ZC3H12B: variants seen among roughly 807,000 people sequenced by gnomAD.
The protein encoded by ZC3H12B is probable ribonuclease ZC3H12B.
In ZC3H12B, 7 loss-of-function variants were observed where a neutral mutation model predicts 43.9. The ratio of observed to expected loss-of-function variants is 0.16; its 90% CI spans 0.09 to 0.30. The LOEUF is 0.30. Among genes scored for constraint, ZC3H12B ranks in the 10% least tolerant of loss-of-function variants. The pLI, the probability that ZC3H12B is intolerant of heterozygous loss-of-function variation, is 1.00. For missense variants in ZC3H12B, 475 were observed against 670.2 expected (o/e 0.71, Z 3.22); for synonymous variants, 222 against 241.7 (o/e 0.92, Z 0.76).
At chrX:65,356,474 A>G in the ZC3H12B span, among the ~76,000 whole-genome samples, 1 of 112,021 alleles carries the variant, frequency 8.9e-6, no homozygotes, top group East Asian at 2.8e-4. Context: ...TGCTTTCTTC[A>G]CTGAATACAA....
At chrX:65,081,864 A>G in the ZC3H12B span, among the ~76,000 whole-genome samples, 1 of 112,079 alleles carries the variant, frequency 8.9e-6, no homozygotes, top group Non-Finnish European at 1.9e-5. Flanking sequence ...ATTCTCAAGG[A>G]TAGACCATAA....
At chrX:65,366,578 C>G (rs1292214144), upstream of ZC3H12B, 1 of 111,853 alleles carries the variant, frequency 8.9e-6, no homozygotes, top group East Asian at 2.8e-4. Flanking sequence ...AAAGATTTAA[C>G]TCCGAGGGGT....
the ZC3H12B span, among the ~76,000 whole-genome samples, chrX:65,238,703 G>A: frequency 4.4e-3 from 488 of 111,507 alleles, 3 homozygotes; most frequent in African/African-American, 0.015. Flanking sequence ...AGATTCTATA[G>A]CTTTGTAATG....
At chrX:65,152,126 T>C in the ZC3H12B span, among the ~76,000 whole-genome samples, 1 of 111,554 alleles carries the variant, frequency 9.0e-6, no homozygotes, top group Admixed American at 9.6e-5. Context: ...GCCAATATCA[T>C]ACTGAATGGG....
At chrX:65,451,542 A>G (rs1484809689) in intron 3 of ZC3H12B, among the ~76,000 whole-genome samples, 2 of 110,619 alleles carry the variant, frequency 1.8e-5, no homozygotes, top group African/African-American at 6.6e-5. Context: ...AGGTATCACT[A>G]TGTTGCTCAG....
At chrX:65,235,161 G>A in the ZC3H12B span, among the ~76,000 whole-genome samples, 2 of 111,738 alleles carry the variant, frequency 1.8e-5, no homozygotes, top group African/African-American at 3.3e-5. Flanking sequence ...ACATATGCAT[G>A]CATGTATCTT....
intron 3 of ZC3H12B, among the ~76,000 whole-genome samples, chrX:65,429,778 T>A (rs192261404): frequency 1.8e-5 from 2 of 112,178 alleles, no homozygotes; most frequent in African/African-American, 6.5e-5. Context: ...GAGGAATGGA[T>A]CAGGTCCTGC....
At chrX:65,237,934 G>A in the ZC3H12B span, among the ~76,000 whole-genome samples, 1 of 111,829 alleles carries the variant, frequency 8.9e-6, no homozygotes, top group East Asian at 2.8e-4. Context: ...TGGAGGATAA[G>A]CATTTTGATG....
chrX:65,048,001 A>G, the ZC3H12B span, among the ~76,000 whole-genome samples: 1 of 111,334 alleles, frequency 9.0e-6, no homozygotes, highest in East Asian at 2.8e-4. Context: ...TTATATGCAC[A>G]TTAATGTCCA....
the ZC3H12B span, among the ~76,000 whole-genome samples, chrX:65,076,750 T>C: frequency 9.0e-6 from 1 of 111,309 alleles, no homozygotes; most frequent in Non-Finnish European, 1.9e-5. Flanking sequence ...TACATTTGGT[T>C]CTTTTTTAAA....
the ZC3H12B span, among the ~76,000 whole-genome samples, chrX:65,045,235 G>T: frequency 9.0e-6 from 1 of 111,290 alleles, no homozygotes. Flanking sequence ...AAAAAAGGAA[G>T]TTTGTTGCAT....
At chrX:65,149,764 AAATAATAATAATAATAATAATAATAAT>A in the ZC3H12B span, among the ~76,000 whole-genome samples, 5 of 85,299 alleles carry the variant, frequency 5.9e-5, no homozygotes, top group African/African-American at 2.1e-4. Context: ...ACTTAATCTC[AAATAATAATAATAATAATAATAATAAT>A]AATAATAATA....
At chrX:65,168,137 GT>G in the ZC3H12B span, among the ~76,000 whole-genome samples, 2 of 111,651 alleles carry the variant, frequency 1.8e-5, no homozygotes, top group Non-Finnish European at 3.8e-5. Context: ...AATGCTTCCA[GT>G]TTTTGCCCAT....
the ZC3H12B span, among the ~76,000 whole-genome samples, chrX:65,207,440 G>T: frequency 1.5e-4 from 17 of 110,796 alleles, no homozygotes; most frequent in Non-Finnish European, 1.9e-4. Flanking sequence ...CTATGAGGAT[G>T]CAAAAGCATA....
At chrX:65,047,832 G>A in the ZC3H12B span, among the ~76,000 whole-genome samples, 1 of 109,953 alleles carries the variant, frequency 9.1e-6, no homozygotes, top group African/African-American at 3.3e-5. Flanking sequence ...AAACTACTCT[G>A]CCAGTCTCTA....
the ZC3H12B span, among the ~76,000 whole-genome samples, chrX:65,228,719 A>G: frequency 1.8e-5 from 2 of 112,207 alleles, no homozygotes; most frequent in African/African-American, 3.2e-5. Flanking sequence ...AAAAATCACA[A>G]GCATTCTTAT....
At chrX:65,162,884 C>G in the ZC3H12B span, among the ~76,000 whole-genome samples, 1 of 111,812 alleles carries the variant, frequency 8.9e-6, no homozygotes, top group Non-Finnish European at 1.9e-5. Flanking sequence ...TGTTTTTTCC[C>G]CATCTGTGTG....
chrX:65,276,880 C>T, the ZC3H12B span, among the ~76,000 whole-genome samples: 2 of 111,745 alleles, frequency 1.8e-5, no homozygotes, highest in Non-Finnish European at 3.8e-5. Context: ...AAGTCCTCAT[C>T]TATCAATAAT....
the ZC3H12B span, among the ~76,000 whole-genome samples, chrX:65,057,898 A>G: frequency 9.0e-6 from 1 of 111,323 alleles, no homozygotes; most frequent in African/African-American, 3.3e-5. Context: ...TTGTGTGTTC[A>G]TTTCCTAGCT....
Sources: allele counts gnomAD v4.1 joint callset (sites outside exome capture counted in the v4.1 genomes callset), GRCh38; gene constraint gnomAD v4.1.1; transcripts MANE v1.5; gene names NCBI Gene and HGNC (gene_info 2026-07-23, HGNC 2026-07-21).